APOO: variants seen among roughly 807,000 people sequenced by gnomAD.
APOO encodes the protein MICOS complex subunit MIC26.
In APOO, 11 loss-of-function variants were observed where a neutral mutation model predicts 23.1. That is an observed-to-expected ratio of 0.48 (90% CI 0.30 to 0.79). The LOEUF is 0.79. Ranked by LOEUF, APOO falls within the 30% of genes least tolerant of loss-of-function variation. The pLI is 0.07. For missense variants in APOO, 160 were observed against 142.7 expected, an observed-to-expected ratio of 1.12 and a Z score of -0.62; for synonymous variants, 59 against 54.8, an observed-to-expected ratio of 1.08 and a Z score of -0.34.
chrX:23,905,208 G>A (rs1375017769), intron 1 of APOO, among the ~76,000 whole-genome samples: 2 of 109,084 alleles, frequency 1.8e-5, no homozygotes, highest in African/African-American at 6.7e-5. Context: ...CCAACACATG[G>A]TGAAACTCCG....
chrX:23,879,124 CT>C, intron 2 of APOO, 90 bp from the exon 3 acceptor site: 3 of 1,014,686 alleles, frequency 3.0e-6, no homozygotes, highest in East Asian at 3.5e-5. Context: ...TATAATATTT[CT>C]AGTAATTCAT....
intron 8 of APOO, among the ~76,000 whole-genome samples, chrX:23,835,009 C>T (rs1208804807): frequency 9.2e-6 from 1 of 108,840 alleles, no homozygotes; most frequent in Non-Finnish European, 1.9e-5. Flanking sequence ...AGCCGTGAGC[C>T]ACCACGCCTG....
At chrX:23,866,062 C>T (rs917952253) in intron 5 of APOO, among the ~76,000 whole-genome samples, 2 of 110,608 alleles carry the variant, frequency 1.8e-5, no homozygotes, top group African/African-American at 6.6e-5. Context: ...GACAAGCTCT[C>T]GGCACTGTAG....
At chrX:23,895,918 G>A (rs912352977) in intron 1 of APOO, among the ~76,000 whole-genome samples, 1 of 108,625 alleles carries the variant, frequency 9.2e-6, no homozygotes, top group African/African-American at 3.4e-5. Flanking sequence ...TGATTCCACC[G>A]AGTTTTTTGA....
chrX:23,871,136 T>A (rs1379341631), intron 4 of APOO, among the ~76,000 whole-genome samples: 1 of 98,941 alleles, frequency 1.0e-5, no homozygotes, highest in Non-Finnish European at 2.0e-5. Context: ...CAGGAGTTGA[T>A]AAATACTGGA....
intron 1 of APOO, among the ~76,000 whole-genome samples, chrX:23,889,507 C>T (rs1926529776): frequency 9.0e-6 from 1 of 110,693 alleles, no homozygotes; most frequent in Non-Finnish European, 1.9e-5. Flanking sequence ...TGAATACTCT[C>T]TCCCATTTAA....
Position 23,846,096 on chromosome X carries a change from G to A in APOO, c.562-5719C>T, listed in dbSNP as rs188741230. Among the ~76,000 whole-genome samples the A allele has an allele frequency of 2.6e-4, 29 of 110,137 alleles. No individual in the cohort carries two copies. The East Asian group carries it at 2.8e-3, about 11-fold the overall frequency. ...GAGGCAGGGGGATCACCTGAGGCCA[G>A]GAGTTCGAGACCAGCCTGGCCAACA... On this transcript the variant is annotated intron_variant, in intron 7 of 8. Coordinates refer to ENST00000379226, the MANE Select transcript of APOO (RefSeq NM_024122.5).
chrX:23,900,694 AAGAAATCTCAACAAGGTCGCTCAGCC>A (rs1413027088), intron 1 of APOO, among the ~76,000 whole-genome samples: 1 of 108,273 alleles, frequency 9.2e-6, no homozygotes, highest in Non-Finnish European at 1.9e-5. Context: ...AAAAAAAAAA[AAGAAATCTCAACAAGGTCGCTCAGCC>A]AGAAACACAA....
intron 5 of APOO, among the ~76,000 whole-genome samples, chrX:23,866,618 G>A (rs754138549): frequency 5.4e-5 from 6 of 110,734 alleles, no homozygotes; most frequent in East Asian, 2.8e-4. Context: ...GCGAAACTCC[G>A]TCTCTACTAA....
chrX:23,879,760 T>C (rs1166209124), intron 2 of APOO, among the ~76,000 whole-genome samples: 1 of 112,257 alleles, frequency 8.9e-6, no homozygotes, highest in Non-Finnish European at 1.9e-5. Flanking sequence ...AAATGATTGG[T>C]CTGATGTTAA....
chrX:23,871,095 C>CA (rs1465488743), intron 4 of APOO, among the ~76,000 whole-genome samples: 3 of 98,656 alleles, frequency 3.0e-5, no homozygotes, highest in Non-Finnish European at 6.1e-5. Context: ...TCTCAAAAAA[C>CA]AAAAAAACAA....
In APOO at chrX:23,860,285, G is replaced by T. The variant is rs192157453; in HGVS notation, c.389-1552C>A. Among the ~76,000 whole-genome samples the T allele has an allele frequency of 1.1e-4, 12 of 110,474 alleles. No individual in the cohort carries two copies. The East Asian group carries it at 3.1e-3, about 29-fold the overall frequency. The stretch of plus-strand genomic sequence containing the variant: ...AAGGGCACAGGACAAACGCAAGTCC[G>T]ATGCATGGACCAGCATGGCCTTTCC... On this transcript the variant is annotated intron_variant, in intron 5 of 8. Coordinates refer to ENST00000379226, the MANE Select transcript of APOO (RefSeq NM_024122.5).
At chrX:23,906,589 G>A (rs921408178) in intron 1 of APOO, among the ~76,000 whole-genome samples, 15 of 112,763 alleles carry the variant, frequency 1.3e-4, no homozygotes, top group African/African-American at 4.5e-4. Context: ...GCACATAACA[G>A]GTGTTTAACA....
At chrX:23,884,086 T>C (rs1354495723) in intron 1 of APOO, 1 of 111,637 alleles carries the variant, frequency 9.0e-6, no homozygotes, top group Non-Finnish European at 1.9e-5. Context: ...GACAGAGAGA[T>C]GAGTCAGAGA....
intron 8 of APOO, among the ~76,000 whole-genome samples, chrX:23,839,579 A>G (rs939210445): frequency 8.9e-6 from 1 of 112,164 alleles, no homozygotes; most frequent in African/African-American, 3.2e-5. Flanking sequence ...TATAAAATGC[A>G]TACTCATTGC....
intron 8 of APOO, among the ~76,000 whole-genome samples, chrX:23,834,634 C>G (rs374770351): frequency 2.5e-3 from 274 of 110,997 alleles, no homozygotes; most frequent in African/African-American, 8.9e-3. Context: ...ATTTTCCTCG[C>G]ATCACCCCCA....
intron 7 of APOO, among the ~76,000 whole-genome samples, chrX:23,848,472 TAAAG>T (rs1924360288): frequency 1.8e-5 from 2 of 111,731 alleles, no homozygotes; most frequent in South Asian, 3.6e-4. Flanking sequence ...CCATTATTTT[TAAAG>T]AAAAACTAAC....
intron 1 of APOO, among the ~76,000 whole-genome samples, chrX:23,894,740 G>C (rs1681261209): frequency 9.2e-6 from 1 of 108,843 alleles, no homozygotes; most frequent in Non-Finnish European, 1.9e-5. Context: ...AGGTTGCAGT[G>C]AGCCGAGATC....
chrX:23,868,889 G>C (rs1925465621), intron 4 of APOO, among the ~76,000 whole-genome samples: 1 of 109,453 alleles, frequency 9.1e-6, no homozygotes, highest in Non-Finnish European at 1.9e-5. Context: ...CACATAGCAA[G>C]TGTCCAATTT....
Sources: gnomAD v4.1 joint callset for allele counts (sites outside exome capture counted in the v4.1 genomes callset) on GRCh38, gnomAD v4.1.1 for gene constraint, MANE v1.5 for transcripts, NCBI Gene and HGNC (gene_info 2026-07-23, HGNC 2026-07-21) for gene names.